Variants in PDCD2L observed in about 807,000 individuals in gnomAD.
The protein encoded by PDCD2L is uS5 assembly chaperone PDCD2L.
A neutral mutation model predicts 40.4 loss-of-function variants in PDCD2L; 44 were observed. The ratio of observed to expected loss-of-function variants is 1.09; its 90% CI spans 0.86 to 1.40. The LOEUF is 1.40. Among genes scored for constraint, PDCD2L ranks in the 40% most tolerant of loss-of-function variants. The pLI, the probability that PDCD2L is intolerant of heterozygous loss-of-function variation, is 0.00. For missense variants in PDCD2L, 470 were observed against 453.7 expected (o/e 1.04, Z -0.33); for synonymous variants, 194 against 174.6 (o/e 1.11, Z -0.88).
At chr19:34,414,655 A>C (rs1303565076) in intron 5 of PDCD2L, among the ~76,000 whole-genome samples, 1 of 150,482 alleles carries the variant, frequency 6.6e-6, no homozygotes, top group African/African-American at 2.4e-5. Flanking sequence ...TGCCCAACTA[A>C]TTTTTGTATA....
Position 34,408,757 on chromosome 19 carries a change from A to G in PDCD2L, c.337-404A>G, listed in dbSNP as rs185840279. ...CTTTTGCTATGTGGTCTTTCTTTCT[A>G]CTTCACTCTGTCTCAAGTTCATGTT... is the stretch of plus-strand genomic sequence containing the variant. On this transcript the variant is annotated intron_variant, in intron 3 of 6. Coordinates refer to ENST00000246535, the MANE Select transcript of PDCD2L (RefSeq NM_032346.2). Among the ~76,000 whole-genome samples, 35 of 152,192 alleles carry G rather than the reference A, an allele frequency of 2.3e-4. No individual in the cohort carries two copies. The East Asian group carries it at 4.6e-3, about 20-fold the overall frequency.
Position 34,421,564 on chromosome 19 carries a change from A to G in PDCD2L, c.843A>G (p.Ser281=), listed in dbSNP as rs753743593. The G allele has an allele frequency of 3.1e-6, 5 of 1,614,082 alleles. No individual in the cohort carries two copies. In the South Asian group the frequency reaches 5.5e-5, roughly 18 times the overall value. Residue 281 remains serine (S), a synonymous_variant, in exon 6 of 7, where the codon TCA becomes TCG. Coordinates refer to ENST00000246535, the MANE Select transcript of PDCD2L (RefSeq NM_032346.2). The part of the protein sequence containing the change: ...GEPLFLTCPT[S]EVTELPACSQ... Reference sequence around the variant, plus strand: ...CACTCTTTTTGACCTGCCCTACATCAGAAGTCACCGAGCTCCCAGCCTGCA... The same window carrying G: ...CACTCTTTTTGACCTGCCCTACATCGGAAGTCACCGAGCTCCCAGCCTGCA...
Position 34,413,683 on chromosome 19 carries a change from G to C in PDCD2L, c.687-54G>C. 2.8e-6 allele frequency: 3 copies of C among 1,067,278 alleles called. No individual in the cohort carries two copies. The East Asian group carries it at 7.2e-5, about 26-fold the overall frequency. 66.1% of individuals were successfully genotyped at this position (1,067,278 alleles called of 1,614,324 possible). A position where few individuals can be genotyped will look rare whatever the true frequency, so the allele number is the denominator to read the frequency against. On this transcript the variant is annotated intron_variant, in intron 4 of 6. Transcript: ENST00000246535. ...AATTATCTTGTTTTGTCTTGCAAAT[G>C]CTGTAATTTTCTGGATATAGACATT...
chr19:34,413,826 C>T lies in PDCD2L; in HGVS notation c.776C>T (p.Ala259Val), dbSNP rs2075115241. Residue 259 changes from alanine to valine, a missense_variant, in exon 5 of 7, where the codon GCT becomes GTT. By Grantham distance (64) the Ala-to-Val change is moderately conservative. Coordinates refer to ENST00000246535, the MANE Select transcript of PDCD2L (RefSeq NM_032346.2). ...TFYKFMKRIA[A>V]CQEQILRYSW... ...TACAAATTCATGAAGCGAATTGCTG[C>T]TTGTCAGGAGCAGATTTTGAGGTAA... The T allele has an allele frequency of 6.3e-7, 1 of 1,599,274 alleles. No homozygotes were observed. Among genetic ancestry groups the T allele is most frequent in the Middle Eastern group, 1.7e-4 (1 of 6,024 alleles).
At chr19:34,425,592 G>C (rs899160402) in intron 6 of PDCD2L, among the ~76,000 whole-genome samples, 10 of 151,800 alleles carry the variant, frequency 6.6e-5, no homozygotes, top group African/African-American at 2.4e-4. Context: ...TGTTGCCTAG[G>C]CTGGGCTCAA....
chr19:34,417,394 A>G (rs951174667), intron 5 of PDCD2L, among the ~76,000 whole-genome samples: 4 of 151,922 alleles, frequency 2.6e-5, no homozygotes, highest in Non-Finnish European at 5.9e-5. Context: ...CAGATCACAA[A>G]GTCAGGAGTT....
intron 3 of PDCD2L, among the ~76,000 whole-genome samples, chr19:34,406,787 G>A (rs951016909): frequency 1.4e-5 from 2 of 145,328 alleles, no homozygotes; most frequent in Non-Finnish European, 3.0e-5. Context: ...TTCTTTGACC[G>A]TCATCTCCTT....
intron 6 of PDCD2L, among the ~76,000 whole-genome samples, chr19:34,424,075 T>C (rs979442760): frequency 1.3e-5 from 2 of 152,040 alleles, no homozygotes; most frequent in African/African-American, 4.8e-5. Flanking sequence ...TGTTGTCTTC[T>C]GACAGTGAAA....
chr19:34,423,725 G>A (rs935905843), intron 6 of PDCD2L, among the ~76,000 whole-genome samples: 2 of 151,744 alleles, frequency 1.3e-5, no homozygotes, highest in African/African-American at 4.8e-5. Flanking sequence ...CTGACCTCAA[G>A]TGATCCGTCC....
chr19:34,413,084 G>A lies in PDCD2L; in HGVS notation c.687-653G>A, dbSNP rs143064442. 5.0e-4 allele frequency among the ~76,000 whole-genome samples: 76 copies of A among 151,432 alleles called. 1 individual carries two copies. In the East Asian group the frequency reaches 0.013, roughly 25 times the overall value. The stretch of plus-strand genomic sequence containing the variant: ...ACGGAGTTTCACTCTTCTTGCCCAG[G>A]CTGGAGTGCAATAGCGCAATCTTGG... On this transcript the variant is annotated intron_variant, in intron 4 of 6. Transcript: ENST00000246535.
At chr19:34,405,466 GT>G (rs902029865) in intron 3 of PDCD2L, among the ~76,000 whole-genome samples, 24 of 148,256 alleles carry the variant, frequency 1.6e-4, no homozygotes, top group South Asian at 8.7e-4. Context: ...TTTTGTGAGA[GT>G]TTTTTTTTTC....
At chr19:34,406,564 T>A (rs142730081) in intron 3 of PDCD2L, among the ~76,000 whole-genome samples, 15 of 151,452 alleles carry the variant, frequency 9.9e-5, no homozygotes, top group Non-Finnish European at 1.6e-4. Context: ...TTCATTTTTT[T>A]AAATTTTTAG....
At position 34,404,694 on chromosome 19, in the gene PDCD2L, TGC is replaced by T. The variant is rs773126334; in HGVS notation, c.156_157del (p.Cys52TrpfsTer34). On this transcript the variant is annotated frameshift_variant, in exon 2 of 7. Coordinates refer to ENST00000246535, the MANE Select transcript of PDCD2L (RefSeq NM_032346.2). LOFTEE classifies it high-confidence loss of function. ...TGCGCCCAGGCCCGTGTGTCAGCGC[TGC>T]GGGCAGCCGCTCGCTCTGGTCGTGC... ...VAAPRPVCQR[C>X]GQPLALVVQV... 1.2e-6 allele frequency: 2 copies of T among 1,612,138 alleles called. No homozygotes were observed. The highest frequency in any genetic ancestry group is 2.2e-5 in the South Asian group (2 of 91,066).
At chr19:34,415,510 A>C (rs566924876) in intron 5 of PDCD2L, among the ~76,000 whole-genome samples, 144 of 152,316 alleles carry the variant, frequency 9.5e-4, no homozygotes, top group African/African-American at 2.8e-3. Context: ...CCTCAGAGGA[A>C]ATGACATACC....
At chr19:34,420,148 G>A (rs143354780) in intron 5 of PDCD2L, among the ~76,000 whole-genome samples, 8,155 of 151,584 alleles carry the variant, frequency 0.054, 889 homozygotes, top group East Asian at 0.51. Flanking sequence ...CTGCCACTAC[G>A]CCCGGCTAAT....
intron 3 of PDCD2L, among the ~76,000 whole-genome samples, chr19:34,408,410 A>C (rs2075086787): frequency 1.3e-5 from 2 of 151,064 alleles, no homozygotes; most frequent in Admixed American, 1.3e-4. Context: ...GGCTCACTGC[A>C]ACCTCCGCCT....
chr19:34,412,846 A>G (rs959062345), intron 4 of PDCD2L, among the ~76,000 whole-genome samples: 2 of 150,146 alleles, frequency 1.3e-5, no homozygotes, highest in African/African-American at 2.5e-5. Flanking sequence ...CTCACGGCTC[A>G]CCACAGCCTT....
In PDCD2L at chr19:34,404,811, C is replaced by G. The variant is rs1437667195; in HGVS notation, c.271C>G (p.Arg91Gly). Residue 91 changes from arginine (R) to glycine (G), a missense_variant, in exon 2 of 7, where the codon CGC becomes GGC. Physicochemically the swap from Arg to Gly is moderately radical, Grantham distance 125 (BLOSUM62 -2). Transcript: ENST00000246535. ...CCCCGGCTGTAGCACCGGCGGTGCG[C>G]GCAGGTAGGCGGGGAAGTCCCAGAG... The part of the protein sequence containing the change: ...ACPGCSTGGA[R>G]SWKVFRSQCL... 1 of 1,602,874 alleles carries G rather than the reference C, an allele frequency of 6.2e-7. No homozygotes were observed. The highest frequency in any genetic ancestry group is 1.1e-5 in the South Asian group (1 of 90,084).
chr19:34,409,630 C>T (rs2075093413), intron 4 of PDCD2L, 120 bp downstream of exon 4: 2 of 797,152 alleles, frequency 2.5e-6, no homozygotes, highest in Admixed American at 2.8e-5. Flanking sequence ...TATGTAGGAC[C>T]TTTTTGCTTC....
Sources: gnomAD v4.1 joint callset for allele counts (sites outside exome capture counted in the v4.1 genomes callset) on GRCh38, gnomAD v4.1.1 for gene constraint, MANE v1.5 for transcripts, NCBI Gene and HGNC (gene_info 2026-07-23, HGNC 2026-07-21) for gene names.